The following FNDC1 variants were observed in gnomAD, a reference collection of about 807,000 sequenced individuals.
FNDC1 encodes fibronectin type III domain containing 1, also known as fibronectin type III domain-containing protein 1.
A neutral mutation model predicts 168.0 loss-of-function variants in FNDC1; 96 were observed. The ratio of observed to expected loss-of-function variants is 0.57; its 90% CI spans 0.48 to 0.68. The LOEUF is 0.68. Ranked by LOEUF, FNDC1 falls within the 30% of genes least tolerant of loss-of-function variation. The pLI is 0.00. For missense variants in FNDC1, 2,587 were observed against 2,482.1 expected, an observed-to-expected ratio of 1.04 and a Z score of -0.90; for synonymous variants, 1,099 against 1,025.9, an observed-to-expected ratio of 1.07 and a Z score of -1.36.
chr6:159,198,231 A>G (rs1020051090), intron 2 of FNDC1, among the ~76,000 whole-genome samples: 1 of 152,176 alleles, frequency 6.6e-6, no homozygotes, highest in Non-Finnish European at 1.5e-5. Flanking sequence ...TCTATTTTTG[A>G]TTCCAGTAAC....
intron 4 of FNDC1, among the ~76,000 whole-genome samples, chr6:159,207,925 AGGCTATGAG>A (rs1207992015): frequency 6.6e-6 from 1 of 152,234 alleles, no homozygotes; most frequent in Non-Finnish European, 1.5e-5. Context: ...CTTCGCTTAG[AGGCTATGAG>A]GCCATCTCTG....
intron 7 of FNDC1, among the ~76,000 whole-genome samples, chr6:159,223,994 A>C (rs1039968129): frequency 5.9e-5 from 9 of 152,328 alleles, no homozygotes; most frequent in Middle Eastern, 3.4e-3. Context: ...GTTCATGCAC[A>C]GGGTCCACTT....
chr6:159,217,276 T>C (rs1302852841), intron 5 of FNDC1, among the ~76,000 whole-genome samples: 1 of 152,148 alleles, frequency 6.6e-6, no homozygotes, highest in Non-Finnish European at 1.5e-5. Context: ...CAGCCAAGGC[T>C]GGCGCGGAAA....
chr6:159,228,889 T>A (rs1482981617), intron 9 of FNDC1, among the ~76,000 whole-genome samples: 2 of 152,060 alleles, frequency 1.3e-5, no homozygotes, highest in Non-Finnish European at 2.9e-5. Flanking sequence ...CTGGCCAGGG[T>A]GGTCTCAAAC....
rs1159382501 is a variant in FNDC1, at chr6:159,269,514, G to GCATCCATC, written c.5569+1637_5569+1644dup. Reference sequence around the variant, plus strand: ...TCTATCTATCTATCCATCCATCCATGCATCCATCCATCCATCCATCCATCC... The same window carrying GCATCCATC: ...TCTATCTATCTATCCATCCATCCATGCATCCATCCATCCATCCATCCATCCATCCATCC... On this transcript the variant is annotated intron_variant, in intron 22 of 22. Transcript: ENST00000297267. Among the ~76,000 whole-genome samples, 429 of 86,016 alleles carry GCATCCATC rather than the reference G, an allele frequency of 5.0e-3. 3 individuals are homozygous for GCATCCATC. The highest frequency in any genetic ancestry group is 0.017 in the African/African-American group (390 of 22,722). The allele number at this position is 86,016 out of a possible 152,430, so 56.4% of individuals were successfully genotyped here. A position where few individuals can be genotyped will look rare whatever the true frequency, so the allele number is the denominator to read the frequency against.
At chr6:159,240,490 C>T (rs1049084823) in intron 14 of FNDC1, among the ~76,000 whole-genome samples, 3 of 152,226 alleles carry the variant, frequency 2.0e-5, no homozygotes, top group Non-Finnish European at 4.4e-5. Context: ...GTTTCCCTAG[C>T]ATGTTCGGCA....
Position 159,236,228 on chromosome 6 carries a change from A to C in FNDC1, c.3981A>C (p.Arg1327Ser). The C allele has an allele frequency of 6.2e-7, 1 of 1,613,306 alleles. No individual in the cohort carries two copies. Among genetic ancestry groups the C allele is most frequent in the Non-Finnish European group, 8.5e-7 (1 of 1,179,372 alleles). ...GGTACTGTGTAGGTTATAATGGCAG[A>C]CCAAATGTAGAAGGGAAAGTCCTTC... ...RPSYRQGYNG[R>S]PNVEGKVLPG... Residue 1327 changes from arginine to serine, a missense_variant, in exon 12 of 23, where the codon AGA becomes AGC. By Grantham distance (110) the Arg-to-Ser change is moderately radical. Transcript: ENST00000297267.
Position 159,239,975 on chromosome 6 carries a change from A to G in FNDC1, c.4621+18A>G, listed in dbSNP as rs1237029748. ...TGAAGAAGGTAACTGCCTTTGTTCT[A>G]ATGCTAACTACTTACCAGGCACACT... On this transcript the variant is annotated intron_variant, in intron 14 of 22. Coordinates refer to ENST00000297267, the MANE Select transcript of FNDC1 (RefSeq NM_032532.3). 1 of 1,464,842 alleles carries G rather than the reference A, an allele frequency of 6.8e-7. No homozygotes were observed. The highest frequency in any genetic ancestry group is 9.1e-7 in the Non-Finnish European group (1 of 1,102,896). 90.7% of individuals were successfully genotyped at this position (1,464,842 alleles called of 1,614,324 possible).
intron 22 of FNDC1, among the ~76,000 whole-genome samples, chr6:159,270,232 C>T (rs1057423419): frequency 3.3e-5 from 5 of 152,084 alleles, no homozygotes; most frequent in Non-Finnish European, 7.4e-5. Flanking sequence ...TGTGGCCCCA[C>T]TGCAAGAGGA....
chr6:159,265,132 T>C, intron 20 of FNDC1, 128 bp downstream of exon 20: 1 of 754,622 alleles, frequency 1.3e-6, no homozygotes, highest in South Asian at 1.9e-5. Flanking sequence ...ACTTCTATGC[T>C]TTCCTTGCAC....
intron 1 of FNDC1, among the ~76,000 whole-genome samples, chr6:159,196,233 G>T (rs533914582): frequency 2.0e-5 from 3 of 152,110 alleles, no homozygotes; most frequent in Non-Finnish European, 2.9e-5. Flanking sequence ...GTAGATTTTT[G>T]TCCATACCCT....
At chr6:159,175,705 G>C (rs1432271604) in intron 1 of FNDC1, among the ~76,000 whole-genome samples, 2 of 152,190 alleles carry the variant, frequency 1.3e-5, no homozygotes, top group East Asian at 3.9e-4. Context: ...CCCTTTCCTT[G>C]GTGGTCCTGT....
intron 14 of FNDC1, among the ~76,000 whole-genome samples, chr6:159,244,198 A>G (rs1783492029): frequency 6.6e-6 from 1 of 152,256 alleles, no homozygotes; most frequent in Non-Finnish European, 1.5e-5. Context: ...AGGCCAGGAA[A>G]CAATGGCAAG....
At chr6:159,205,474 A>G (rs1254183105) in intron 4 of FNDC1, among the ~76,000 whole-genome samples, 4 of 152,150 alleles carry the variant, frequency 2.6e-5, no homozygotes, top group African/African-American at 9.7e-5. Context: ...AGCATAATTA[A>G]TCCACCAAAC....
intron 17 of FNDC1, among the ~76,000 whole-genome samples, chr6:159,252,778 A>G (rs1182246474): frequency 6.6e-6 from 1 of 152,244 alleles, no homozygotes; most frequent in Non-Finnish European, 1.5e-5. Flanking sequence ...CATACAGAAA[A>G]ATAATTTAAA....
rs1396469413 is a variant in FNDC1, at chr6:159,233,366, G to A, written c.2854G>A (p.Val952Ile). The A allele has an allele frequency of 5.6e-6, 9 of 1,613,750 alleles. No individual in the cohort carries two copies. Among genetic ancestry groups the A allele is most frequent in the South Asian group, 1.1e-5 (1 of 91,068 alleles). ...CTCCCTGGCCTCCAAGGCTCAGGAT[G>A]TTCAACAGAGCACAGACGCGGACAC... is the stretch of plus-strand genomic sequence containing the variant. ...YSSLASKAQDVQQSTDADTEG... is the reference protein window; with the variant it reads ...YSSLASKAQDIQQSTDADTEG... Residue 952 changes from valine (V) to isoleucine (I), a missense_variant, in exon 11 of 23, where the codon GTT becomes ATT. Val to Ile is a conservative substitution (Grantham distance 29). Coordinates refer to ENST00000297267, the MANE Select transcript of FNDC1 (RefSeq NM_032532.3). This position sits in a 1 kb window ranked among gnomAD's most constrained non-coding sequence, Gnocchi z 4.6.
chr6:159,209,078 C>T (rs1398556019), intron 4 of FNDC1, among the ~76,000 whole-genome samples: 1 of 152,164 alleles, frequency 6.6e-6, no homozygotes, highest in Non-Finnish European at 1.5e-5. Context: ...AACTCCCGAC[C>T]TCAGGAGATC....
intron 19 of FNDC1, 65 bp from the exon 20 acceptor site, chr6:159,264,910 C>T (rs896144384): frequency 2.5e-5 from 35 of 1,372,594 alleles, no homozygotes; most frequent in Middle Eastern, 3.5e-4. Flanking sequence ...TTACACTAAC[C>T]ATTTAAAGAA....
chr6:159,177,157 A>G (rs897165710), intron 1 of FNDC1, among the ~76,000 whole-genome samples: 2 of 152,100 alleles, frequency 1.3e-5, no homozygotes. Context: ...ACCCTGTGCA[A>G]TTTTAGGAGT....
Sources: allele counts gnomAD v4.1 joint callset (sites outside exome capture counted in the v4.1 genomes callset), GRCh38; gene constraint gnomAD v4.1.1; non-coding constraint Gnocchi (gnomAD v3.1); transcripts MANE v1.5; gene names NCBI Gene and HGNC (gene_info 2026-07-23, HGNC 2026-07-21).